The following GPC5 variants were observed in gnomAD, a reference collection of about 807,000 sequenced individuals.
GPC5 encodes the protein glypican 5, also known as glypican-5.
GPC5 carries 47 observed loss-of-function variants against 53.9 expected under a neutral mutation model. That is an observed-to-expected ratio of 0.87 (90% CI 0.69 to 1.11). The LOEUF is 1.11. Among genes scored for constraint, GPC5 ranks in the 50% most tolerant of loss-of-function variants. The probability of loss-of-function intolerance (pLI) is 0.00; values close to 1 mark genes in which losing one functional copy is unlikely to be tolerated. For synonymous variants in GPC5, 286 were observed against 263.3 expected (o/e 1.09, Z -0.84); for missense variants, 748 against 713.1 (o/e 1.05, Z -0.56).
At chr13:91,615,339 G>A (rs1439625380) in intron 2 of GPC5, among the ~76,000 whole-genome samples, 1 of 152,166 alleles carries the variant, frequency 6.6e-6, no homozygotes, top group Non-Finnish European at 1.5e-5. Flanking sequence ...AGGGAAGATA[G>A]GGAAAGGTAT....
At chr13:92,584,434 T>A (rs752257294) in intron 7 of GPC5, among the ~76,000 whole-genome samples, 8 of 152,160 alleles carry the variant, frequency 5.3e-5, no homozygotes, top group Admixed American at 2.6e-4. Flanking sequence ...TTGAGACAGA[T>A]GATTTAGGGT....
At chr13:91,728,724 C>A in intron 4 of GPC5, 59 bp downstream of exon 4, 3 of 1,488,092 alleles carry the variant, frequency 2.0e-6, no homozygotes, top group Non-Finnish European at 9.1e-7. Context: ...AATTTTACAA[C>A]AGAATAGAAC....
intron 2 of GPC5, among the ~76,000 whole-genome samples, chr13:91,682,457 A>G (rs373550791): frequency 4.6e-5 from 7 of 152,190 alleles, no homozygotes; most frequent in African/African-American, 1.7e-4. Context: ...AGGTGCCATT[A>G]TTATACCTGT....
chr13:91,611,749 A>G (rs1278494985), intron 2 of GPC5, among the ~76,000 whole-genome samples: 8 of 152,158 alleles, frequency 5.3e-5, no homozygotes, highest in Admixed American at 1.3e-4. Flanking sequence ...CCCTATGGCC[A>G]TAGTCTTGAT....
chr13:91,689,627 T>A (rs1046716396), intron 2 of GPC5, among the ~76,000 whole-genome samples: 1 of 151,696 alleles, frequency 6.6e-6, no homozygotes, highest in Non-Finnish European at 1.5e-5. Context: ...TATTTATTTA[T>A]TTTTTTACTT....
intron 2 of GPC5, among the ~76,000 whole-genome samples, chr13:91,685,007 CTCTTTT>C (rs1346924559): frequency 6.6e-6 from 1 of 152,150 alleles, no homozygotes; most frequent in Admixed American, 6.5e-5. Context: ...TCATAGCTGG[CTCTTTT>C]TCATCACTGA....
At chr13:92,621,651 T>C (rs1387322308) in intron 7 of GPC5, among the ~76,000 whole-genome samples, 3 of 151,996 alleles carry the variant, frequency 2.0e-5, no homozygotes, top group Non-Finnish European at 2.9e-5. Flanking sequence ...GGAACCCCTG[T>C]CTCTACTAAA....
At chr13:92,175,628 C>A (rs1419705176) in intron 7 of GPC5, among the ~76,000 whole-genome samples, 1 of 151,840 alleles carries the variant, frequency 6.6e-6, no homozygotes, top group Non-Finnish European at 1.5e-5. Context: ...GGGCTTAGTA[C>A]TTTATAGTTT....
At chr13:92,314,836 G>A (rs2139215142) in intron 7 of GPC5, among the ~76,000 whole-genome samples, 2 of 152,258 alleles carry the variant, frequency 1.3e-5, no homozygotes, top group South Asian at 2.1e-4. Flanking sequence ...GCTGTGGCAT[G>A]TTTATGGCTC....
At chr13:92,201,116 A>G (rs564973180) in intron 7 of GPC5, among the ~76,000 whole-genome samples, 49 of 152,308 alleles carry the variant, frequency 3.2e-4, no homozygotes, top group Non-Finnish European at 5.4e-4. Context: ...GTGAATGCCA[A>G]TGGTAAAGAT....
Position 92,545,800 on chromosome 13 carries a change from A to T in GPC5, c.1562-320482A>T, listed in dbSNP as rs200555289. On this transcript the variant is annotated intron_variant, in intron 7 of 7. Transcript: ENST00000377067. Reference sequence around the variant, plus strand: ...TTTTCTTGTAAATTTGTTTGAGTTCATTGTAGATTCTGGATATTAGCCGTT... The same window carrying T: ...TTTTCTTGTAAATTTGTTTGAGTTCTTTGTAGATTCTGGATATTAGCCGTT... 2.5e-3 allele frequency among the ~76,000 whole-genome samples: 381 copies of T among 152,046 alleles called. 7 individuals carry two copies. The highest frequency in any genetic ancestry group is 0.018 in the Admixed American group (277 of 15,258).
chr13:91,413,651 T>C (rs935631976), intron 1 of GPC5, among the ~76,000 whole-genome samples: 2 of 152,246 alleles, frequency 1.3e-5, no homozygotes, highest in African/African-American at 2.4e-5. Flanking sequence ...CTCTGTGTGA[T>C]AACACTTTCC....
intron 5 of GPC5, among the ~76,000 whole-genome samples, chr13:91,774,184 G>T (rs1314228702): frequency 2.6e-5 from 4 of 152,150 alleles, no homozygotes; most frequent in Non-Finnish European, 5.9e-5. Flanking sequence ...AATCACACCT[G>T]TTCAGAGGAT....
intron 5 of GPC5, among the ~76,000 whole-genome samples, chr13:91,782,788 A>T (rs1458012014): frequency 2.0e-5 from 3 of 152,170 alleles, no homozygotes; most frequent in Non-Finnish European, 4.4e-5. Context: ...ACAGATAAAT[A>T]AAAGAATCAA....
intron 2 of GPC5, among the ~76,000 whole-genome samples, chr13:91,655,889 G>A (rs2034834111): frequency 6.6e-6 from 1 of 152,124 alleles, no homozygotes; most frequent in Non-Finnish European, 1.5e-5. Context: ...CTCTTATGGG[G>A]TGAAAACAAC....
At chr13:91,666,160 A>G (rs1489439365) in intron 2 of GPC5, among the ~76,000 whole-genome samples, 1 of 152,228 alleles carries the variant, frequency 6.6e-6, no homozygotes, top group African/African-American at 2.4e-5. Flanking sequence ...GGCCACTTCC[A>G]CATATGTCTT....
chr13:91,964,514 C>A (rs1159643080), intron 6 of GPC5, among the ~76,000 whole-genome samples: 1 of 152,162 alleles, frequency 6.6e-6, no homozygotes, highest in East Asian at 1.9e-4. Context: ...GGTGTATTTA[C>A]AATCCTTTAG....
intron 6 of GPC5, among the ~76,000 whole-genome samples, chr13:92,085,130 C>T (rs1175896013): frequency 1.3e-5 from 2 of 152,118 alleles, no homozygotes; most frequent in East Asian, 3.9e-4. Context: ...TACTATTGCA[C>T]TGGAGATTAA....
At chr13:92,765,744 AC>A (rs1344945744) in intron 7 of GPC5, among the ~76,000 whole-genome samples, 1 of 152,078 alleles carries the variant, frequency 6.6e-6, no homozygotes, top group African/African-American at 2.4e-5. Flanking sequence ...TGTGTTTTTT[AC>A]CCATGATAAC....
Sources: gnomAD v4.1 joint callset for allele counts (sites outside exome capture counted in the v4.1 genomes callset) on GRCh38, gnomAD v4.1.1 for gene constraint, MANE v1.5 for transcripts, NCBI Gene and HGNC (gene_info 2026-07-23, HGNC 2026-07-21) for gene names.